The following DLC1 variants were observed in gnomAD, a reference collection of about 807,000 sequenced individuals.
DLC1 encodes the protein rho GTPase-activating protein 7.
DLC1 carries 54 observed loss-of-function variants against 140.3 expected under a neutral mutation model. The ratio of observed to expected loss-of-function variants is 0.38; its 90% CI spans 0.31 to 0.48. The LOEUF is 0.48. Ranked by LOEUF, DLC1 falls within the 20% of genes least tolerant of loss-of-function variation. DLC1 has a pLI of 0.96. For synonymous variants in DLC1, 986 were observed against 728.1 expected, an observed-to-expected ratio of 1.35 and a Z score of -5.70; for missense variants, 2,536 against 1,907.0, an observed-to-expected ratio of 1.33 and a Z score of -6.14.
At chr8:13,365,244 A>G (rs999304871) in intron 4 of DLC1, among the ~76,000 whole-genome samples, 3 of 152,170 alleles carry the variant, frequency 2.0e-5, no homozygotes, top group African/African-American at 7.2e-5. Flanking sequence ...TAGACTGATT[A>G]TATCTATCCT....
Position 13,501,990 on chromosome 8 carries a change from T to C in DLC1, c.-125-1794A>G, listed in dbSNP as rs541642238. Among the ~76,000 whole-genome samples the C allele has an allele frequency of 3.9e-5, 6 of 152,290 alleles. No individual in the cohort carries two copies. The South Asian group carries it at 1.2e-3, about 32-fold the overall frequency. Reference sequence around the variant, plus strand: ...AGAAAGAGCCGGCTCACTTAAGAAATACCAAGTGGTATTACGATGTCACTC... The same window carrying C: ...AGAAAGAGCCGGCTCACTTAAGAAACACCAAGTGGTATTACGATGTCACTC... On this transcript the variant is annotated intron_variant, in intron 1 of 17. Coordinates refer to ENST00000276297, the MANE Select transcript of DLC1 (RefSeq NM_182643.3).
At chr8:13,473,338 G>A (rs933699817) in intron 2 of DLC1, among the ~76,000 whole-genome samples, 5 of 152,132 alleles carry the variant, frequency 3.3e-5, no homozygotes, top group Admixed American at 6.5e-5. Context: ...TGCTGTTCCC[G>A]TGATAGTGAA....
In DLC1 at chr8:13,281,377, A is replaced by G. The variant is rs567821698; in HGVS notation, c.1348+23892T>C. Among the ~76,000 whole-genome samples, 8 of 152,342 alleles carry G rather than the reference A, an allele frequency of 5.3e-5. No homozygotes were observed. The East Asian group carries it at 9.6e-4, about 18-fold the overall frequency. On this transcript the variant is annotated intron_variant, in intron 5 of 17. Transcript: ENST00000276297. ...TTGATGTTTGATAGACCAAAAAACT[A>G]CAATGATGATTTTCTTCAAATTGAT...
chr8:13,390,866 T>C (rs964010076), intron 4 of DLC1, among the ~76,000 whole-genome samples: 1 of 151,932 alleles, frequency 6.6e-6, no homozygotes, highest in Non-Finnish European at 1.5e-5. Flanking sequence ...AGGGCACCTG[T>C]AGTCCCAGCT....
In DLC1 at chr8:13,554,296, C is replaced by T. The variant is rs1803968604; in HGVS notation, c.-126+50241G>A. Among the ~76,000 whole-genome samples the T allele has an allele frequency of 2.0e-5, 3 of 152,090 alleles. 1 individual carries two copies. Among genetic ancestry groups the T allele is most frequent in the Admixed American group, 2.0e-4 (3 of 15,266 alleles). ...TGGCAGGCTGGTCTTGAACTTCTGA[C>T]CTCAAGTGATCTGGCTGCCTCAGCC... On this transcript the variant is annotated intron_variant, in intron 1 of 1. Coordinates refer to the DLC1 transcript ENST00000631382.
intron 2 of DLC1, among the ~76,000 whole-genome samples, chr8:13,422,566 G>T (rs1838367239): frequency 6.6e-6 from 1 of 152,022 alleles, no homozygotes; most frequent in Non-Finnish European, 1.5e-5. Context: ...GTGACAAATG[G>T]GTGTTGTGCC....
intron 2 of DLC1, among the ~76,000 whole-genome samples, chr8:13,495,106 G>A (rs1185931029): frequency 6.6e-6 from 1 of 152,010 alleles, no homozygotes; most frequent in African/African-American, 2.4e-5. Context: ...AGTTTATTTT[G>A]CTTTGTAATA....
At chr8:13,149,575 T>C (rs1383236094) in intron 5 of DLC1, among the ~76,000 whole-genome samples, 1 of 152,202 alleles carries the variant, frequency 6.6e-6, no homozygotes. Flanking sequence ...TCTTCCTGGC[T>C]CTATCCCGAC....
At chr8:13,436,370 A>G (rs1421752921) in intron 2 of DLC1, among the ~76,000 whole-genome samples, 1 of 152,232 alleles carries the variant, frequency 6.6e-6, no homozygotes, top group Non-Finnish European at 1.5e-5. Flanking sequence ...ATGACATCAT[A>G]TCAAATTTTA....
At chr8:13,569,333 T>G (rs1393120683) in intron 1 of DLC1, among the ~76,000 whole-genome samples, 3 of 147,686 alleles carry the variant, frequency 2.0e-5, no homozygotes, top group African/African-American at 7.5e-5. Flanking sequence ...CTCTTTGCGT[T>G]AAGACCTTCA....
intron 2 of DLC1, among the ~76,000 whole-genome samples, chr8:13,461,166 T>C (rs1327558557): frequency 6.6e-6 from 1 of 152,222 alleles, no homozygotes; most frequent in Non-Finnish European, 1.5e-5. Flanking sequence ...GCTATGATGG[T>C]GCGAGTGCAC....
At chr8:13,088,870 C>A in intron 15 of DLC1, 166 bp from the exon 16 acceptor site, 1 of 572,908 alleles carries the variant, frequency 1.7e-6, no homozygotes, top group South Asian at 2.7e-5. Flanking sequence ...ATATTGGGGG[C>A]TAATAAATCT....
Position 13,259,159 on chromosome 8 carries a change from AG to A in DLC1, c.1348+46109del, listed in dbSNP as rs1306370460. 1.5e-3 allele frequency among the ~76,000 whole-genome samples: 230 copies of A among 149,722 alleles called. 2 individuals carry two copies. The highest frequency in any genetic ancestry group is 5.4e-3 in the African/African-American group (219 of 40,858). ...CTCAAGAAAAAAAAAAAAAAAAAAA[AG>A]AGAAAATCAAAAGATTAAAAATTAC... On this transcript the variant is annotated intron_variant, in intron 5 of 17. Transcript: ENST00000276297.
intron 2 of DLC1, among the ~76,000 whole-genome samples, chr8:13,411,742 C>T (rs1020731472): frequency 6.6e-6 from 1 of 152,054 alleles, no homozygotes; most frequent in Non-Finnish European, 1.5e-5. Context: ...TGGAAAGAGA[C>T]TAGAAAATTT....
At chr8:13,348,811 G>C (rs969912951) in intron 4 of DLC1, among the ~76,000 whole-genome samples, 1 of 152,188 alleles carries the variant, frequency 6.6e-6, no homozygotes, top group African/African-American at 2.4e-5. Context: ...TCTCTGGAAA[G>C]TAGGTGGACT....
At chr8:13,312,377 A>AAAAAAAAT (rs1832707279) in intron 4 of DLC1, among the ~76,000 whole-genome samples, 1 of 114,712 alleles carries the variant, frequency 8.7e-6, no homozygotes, top group African/African-American at 3.6e-5. Flanking sequence ...AAAAAAAAAA[A>AAAAAAAAT]AAAAAAAAAA....
chr8:13,316,169 C>G (rs1832853033), intron 4 of DLC1, among the ~76,000 whole-genome samples: 1 of 152,122 alleles, frequency 6.6e-6, no homozygotes, highest in African/African-American at 2.4e-5. Flanking sequence ...ATGGAAGTGT[C>G]CAACGATGCC....
intron 2 of DLC1, among the ~76,000 whole-genome samples, chr8:13,474,607 G>T (rs533748986): frequency 6.6e-6 from 1 of 152,160 alleles, no homozygotes; most frequent in Admixed American, 6.5e-5. Flanking sequence ...TGGGAGAGGG[G>T]CTAAAACCTG....
chr8:13,592,270 A>G (rs1805539088), intron 1 of DLC1, among the ~76,000 whole-genome samples: 1 of 152,076 alleles, frequency 6.6e-6, no homozygotes, highest in Non-Finnish European at 1.5e-5. Flanking sequence ...CTAGTGAGAT[A>G]TTGGATTTTT....
Sources: gnomAD v4.1 joint callset for allele counts (sites outside exome capture counted in the v4.1 genomes callset) on GRCh38, gnomAD v4.1.1 for gene constraint, MANE v1.5 for transcripts, NCBI Gene and HGNC (gene_info 2026-07-23, HGNC 2026-07-21) for gene names.